Variants in CTNND2 observed in about 807,000 individuals in gnomAD.
CTNND2 encodes the protein catenin delta-2.
Under a neutral mutation model 144.4 loss-of-function variants are expected in CTNND2, and 22 were observed. The observed-to-expected ratio is 0.15, with a 90% CI of 0.11 to 0.22. CTNND2 has a LOEUF of 0.22. CTNND2 is among the 10% of genes least tolerant of loss of function. The probability of loss-of-function intolerance (pLI) is 1.00; values close to 1 mark genes in which losing one functional copy is unlikely to be tolerated. For synonymous variants in CTNND2, 751 were observed against 695.6 expected, an observed-to-expected ratio of 1.08 and a Z score of -1.25; for missense variants, 1,353 against 1,618.8, an observed-to-expected ratio of 0.84 and a Z score of 2.82.
intron 2 of CTNND2, among the ~76,000 whole-genome samples, chr5:11,715,587 CT>C (rs1173618637): frequency 6.6e-6 from 1 of 152,192 alleles, no homozygotes; most frequent in African/African-American, 2.4e-5. Context: ...CCTTCCTACT[CT>C]TTTCTGGGAA....
intron 8 of CTNND2, among the ~76,000 whole-genome samples, chr5:11,349,341 G>A (rs1580981605): frequency 6.6e-6 from 1 of 152,108 alleles, no homozygotes; most frequent in Non-Finnish European, 1.5e-5. Context: ...TGTTGTAAGT[G>A]CTTTATTTGT....
intron 2 of CTNND2, among the ~76,000 whole-genome samples, chr5:11,577,806 AT>A (rs1340106734): frequency 3.3e-5 from 5 of 152,204 alleles, no homozygotes; most frequent in African/African-American, 1.2e-4. Flanking sequence ...ACCCTTTGAA[AT>A]TTTATGGAAC....
intron 9 of CTNND2, among the ~76,000 whole-genome samples, chr5:11,240,913 C>T (rs1311647982): frequency 6.7e-6 from 1 of 148,934 alleles, no homozygotes; most frequent in Non-Finnish European, 1.5e-5. Context: ...ACTCAGCACA[C>T]ACATCCCCAA....
At chr5:11,698,281 C>CATTATT (rs1267544947) in intron 2 of CTNND2, among the ~76,000 whole-genome samples, 2 of 143,036 alleles carry the variant, frequency 1.4e-5, no homozygotes, top group African/African-American at 2.9e-5. Flanking sequence ...TAAAGCAACA[C>CATTATT]ATTATTATTT....
chr5:11,838,602 A>G (rs1227639759), intron 1 of CTNND2, among the ~76,000 whole-genome samples: 3 of 152,204 alleles, frequency 2.0e-5, no homozygotes, highest in Non-Finnish European at 4.4e-5. Flanking sequence ...TCTACATTTT[A>G]GAATGAAGGT....
chr5:11,642,705 T>G (rs963032492), intron 2 of CTNND2, among the ~76,000 whole-genome samples: 5 of 152,226 alleles, frequency 3.3e-5, no homozygotes, highest in Non-Finnish European at 5.9e-5. Flanking sequence ...AGGGTGACCT[T>G]GTGAGGAATT....
At chr5:11,200,069 A>G (rs1047141693) in intron 10 of CTNND2, among the ~76,000 whole-genome samples, 1 of 152,234 alleles carries the variant, frequency 6.6e-6, no homozygotes, top group Admixed American at 6.5e-5. Context: ...GATACACAAA[A>G]TGTTAAAATT....
At chr5:11,428,667 A>G (rs910521297) in intron 3 of CTNND2, among the ~76,000 whole-genome samples, 7 of 152,228 alleles carry the variant, frequency 4.6e-5, no homozygotes, top group African/African-American at 1.7e-4. Context: ...CATAGTTAGT[A>G]AAGCGTAGGA....
At chr5:11,541,846 C>CTCT (rs111631935) in intron 3 of CTNND2, among the ~76,000 whole-genome samples, 3 of 145,376 alleles carry the variant, frequency 2.1e-5, no homozygotes, top group African/African-American at 8.0e-5. Context: ...CGACCCCCCC[C>CTCT]CCCCGGCCAA....
At chr5:11,533,435 C>T (rs1773936567) in intron 3 of CTNND2, among the ~76,000 whole-genome samples, 1 of 152,164 alleles carries the variant, frequency 6.6e-6, no homozygotes, top group Non-Finnish European at 1.5e-5. Context: ...GTTCCCCGGG[C>T]TGGCTTCATT....
At chr5:11,845,528 T>C (rs1268765257) in intron 1 of CTNND2, among the ~76,000 whole-genome samples, 2 of 152,134 alleles carry the variant, frequency 1.3e-5, no homozygotes, top group Non-Finnish European at 2.9e-5. Context: ...AAACAGAGCT[T>C]GGAGTGAAGA....
At chr5:11,411,897 T>C in intron 4 of CTNND2, 138 bp downstream of exon 4, 1 of 762,108 alleles carries the variant, frequency 1.3e-6, no homozygotes. Flanking sequence ...TTGTGAACTA[T>C]CATAACAACT....
chr5:11,225,646 C>T (rs1740252124), intron 10 of CTNND2, among the ~76,000 whole-genome samples: 1 of 152,138 alleles, frequency 6.6e-6, no homozygotes, highest in Non-Finnish European at 1.5e-5. Context: ...AATAATAAGG[C>T]ACTGGCCTAC....
intron 10 of CTNND2, among the ~76,000 whole-genome samples, chr5:11,222,174 G>C (rs550276024): frequency 6.6e-6 from 1 of 152,166 alleles, no homozygotes; most frequent in South Asian, 2.1e-4. Context: ...GTGGAGAGGC[G>C]GGGGGAAGAT....
rs78606926 is a variant in CTNND2 at position 11,321,315 on chromosome 5, A to G, written c.1628+25057T>C. ...TGTTGATAATAAGATTATTACGTCA[A>G]ATCAACATTATACTGTGTTCTCCAC... On this transcript the variant is annotated intron_variant, in intron 9 of 21. Transcript: ENST00000304623. Among the ~76,000 whole-genome samples the G allele has an allele frequency of 3.0e-3, 451 of 152,328 alleles. 1 individual carries two copies. The highest frequency in any genetic ancestry group is 5.2e-3 in the Non-Finnish European group (353 of 68,032).
intron 1 of CTNND2, among the ~76,000 whole-genome samples, chr5:11,893,147 A>T (rs186227419): frequency 6.6e-6 from 1 of 152,344 alleles, no homozygotes; most frequent in Non-Finnish European, 1.5e-5. Flanking sequence ...CTCTGTAAAC[A>T]TACAGTATTT....
chr5:11,660,825 T>C (rs1046639736), intron 2 of CTNND2, among the ~76,000 whole-genome samples: 1 of 152,082 alleles, frequency 6.6e-6, no homozygotes, highest in African/African-American at 2.4e-5. Context: ...ATCCAGATGA[T>C]AAAGTAAAAT....
rs77823300 is a variant in CTNND2, at chr5:11,373,189, C to T, written c.1178-8299G>A. On this transcript the variant is annotated intron_variant, in intron 7 of 21. Coordinates refer to ENST00000304623, the MANE Select transcript of CTNND2 (RefSeq NM_001332.4). ...GGGGGACTTCAAAGGCCTTAATGAGCAGGATAGCTGGGGCAAGAGTCACTT... is the reference window on the plus strand; with the variant it reads ...GGGGGACTTCAAAGGCCTTAATGAGTAGGATAGCTGGGGCAAGAGTCACTT... Among the ~76,000 whole-genome samples the T allele has an allele frequency of 8.5e-5, 13 of 152,328 alleles. 1 individual carries two copies. In the East Asian group the frequency reaches 2.5e-3, roughly 29 times the overall value.
At position 11,556,984 on chromosome 5, in the gene CTNND2, T is replaced by C. The variant is rs16901743; in HGVS notation, c.287+7960A>G. ...CACTCCAGATTCAAATTCTACCACT[T>C]CTCAGAATCAAAGCTACAGATTAGC... On this transcript the variant is annotated intron_variant, in intron 3 of 21. Coordinates refer to ENST00000304623, the MANE Select transcript of CTNND2 (RefSeq NM_001332.4). 2.7e-3 allele frequency among the ~76,000 whole-genome samples: 418 copies of C among 152,190 alleles called. 14 individuals carry two copies. The East Asian group carries it at 0.056, about 20-fold the overall frequency.
Sources: allele counts gnomAD v4.1 joint callset (sites outside exome capture counted in the v4.1 genomes callset), GRCh38; gene constraint gnomAD v4.1.1; transcripts MANE v1.5; gene names NCBI Gene and HGNC (gene_info 2026-07-23, HGNC 2026-07-21).